IKBKB: variants seen among roughly 807,000 people sequenced by gnomAD.
The protein encoded by IKBKB is inhibitor of nuclear factor kappa B kinase subunit beta, also known as inhibitor of nuclear factor kappa-B kinase subunit beta.
IKBKB carries 42 observed loss-of-function variants against 113.6 expected under a neutral mutation model. The ratio of observed to expected loss-of-function variants is 0.37; its 90% CI spans 0.29 to 0.48. The LOEUF (loss-of-function observed/expected upper bound fraction) is 0.48, where lower values mean the gene tolerates loss of function less well. IKBKB is among the 20% of genes least tolerant of loss of function. The pLI is 0.99. For missense variants in IKBKB, 673 were observed against 939.7 expected, an observed-to-expected ratio of 0.72 and a Z score of 3.71; for synonymous variants, 296 against 361.3, an observed-to-expected ratio of 0.82 and a Z score of 2.05.
Position 42,327,893 on chromosome 8 carries a change from C to T in IKBKB, c.2115-1231C>T, listed in dbSNP as rs1197071408. Among the ~76,000 whole-genome samples, 3 of 35,038 alleles carry T rather than the reference C, an allele frequency of 8.6e-5. 1 individual carries two copies. The highest frequency in any genetic ancestry group is 1.3e-4 in the African/African-American group (3 of 22,812). 23.0% of individuals were successfully genotyped at this position (35,038 alleles called of 152,430 possible). A position where few individuals can be genotyped will look rare whatever the true frequency, so the allele number is the denominator to read the frequency against. On this transcript the variant is annotated intron_variant, in intron 20 of 21. Coordinates refer to ENST00000520810, the MANE Select transcript of IKBKB (RefSeq NM_001556.3). ...TGGCGCAATCTCGGCTCACTGCAAG[C>T]TCCGCTTCCCGGGTTCACGCCATTC...
chr8:42,296,218 T>C (rs1585637921), intron 5 of IKBKB, among the ~76,000 whole-genome samples: 2 of 152,332 alleles, frequency 1.3e-5, no homozygotes, highest in Admixed American at 1.3e-4. Context: ...AAATGAGAGC[T>C]GGATGCGGTG....
chr8:42,287,235 G>A (rs1187865532), intron 2 of IKBKB, among the ~76,000 whole-genome samples: 2 of 152,240 alleles, frequency 1.3e-5, no homozygotes, highest in African/African-American at 4.8e-5. Flanking sequence ...GCCGCCAGGA[G>A]CCAGTGGCTC....
chr8:42,325,815 C>T (rs1820627970), intron 19 of IKBKB, 155 bp from the exon 20 acceptor site: 1 of 1,481,670 alleles, frequency 6.7e-7, no homozygotes, highest in Non-Finnish European at 8.9e-7. Context: ...TGTGAAGCAC[C>T]AGTTGACCCG....
intron 20 of IKBKB, among the ~76,000 whole-genome samples, chr8:42,327,296 C>T (rs1820925663): frequency 6.7e-6 from 1 of 149,150 alleles, no homozygotes; most frequent in African/African-American, 2.5e-5. Context: ...GGCAAGTCTC[C>T]TGGGCAACAT....
At chr8:42,305,076 A>G in intron 5 of IKBKB, 111 bp from the exon 6 acceptor site, 1 of 730,104 alleles carries the variant, frequency 1.4e-6, no homozygotes, top group Non-Finnish European at 2.4e-6. Flanking sequence ...ATTGCGCTAC[A>G]AGTCAGAGTA....
chr8:42,272,025 T>A, intron 1 of IKBKB, 58 bp from the exon 2 acceptor site: 2 of 1,547,132 alleles, frequency 1.3e-6, no homozygotes, highest in Non-Finnish European at 1.7e-6. Flanking sequence ...CTCCATCCCT[T>A]TGAGCTCCAT....
At chr8:42,323,848 T>A (rs1820232050) in intron 19 of IKBKB, among the ~76,000 whole-genome samples, 1 of 152,096 alleles carries the variant, frequency 6.6e-6, no homozygotes, top group Non-Finnish European at 1.5e-5. Context: ...GCCATCTACA[T>A]CCATTGAGCA....
In IKBKB at chr8:42,316,263, C is replaced by A; in HGVS notation, c.854C>A (p.Pro285His). ...CTGCAACTGATGCTGATGTGGCACC[C>A]CCGACAGAGGGGCACGGATCCCACG... ...KWLQLMLMWHPRQRGTDPTYG... is the reference protein window; with the variant it reads ...KWLQLMLMWHHRQRGTDPTYG... Residue 285 changes from proline (P) to histidine (H), a missense_variant, in exon 10 of 22, where the codon CCC becomes CAC. This residue lies in a region of IKBKB where 506 missense variants were observed against 638.7 expected (regional missense o/e 0.79). Transcript: ENST00000520810. The surrounding 1 kb of genome is among the most constrained non-coding windows in gnomAD (Gnocchi z 4.5). The A allele has an allele frequency of 6.2e-7, 1 of 1,614,090 alleles. No individual in the cohort carries two copies. Among genetic ancestry groups the A allele is most frequent in the Non-Finnish European group, 8.5e-7 (1 of 1,180,008 alleles).
Position 42,318,627 on chromosome 8 carries a change from C to T in IKBKB, c.1316C>T (p.Thr439Ile), listed in dbSNP as rs200839761. The change falls in exon 13 of 22, where the codon ACC becomes ATC. Residue 439 changes from threonine (T) to isoleucine (I), a missense_variant. Around this residue, in one of 2 missense-constraint regions of IKBKB, gnomAD observed 506 missense variants for 638.7 expected, o/e 0.79. Coordinates refer to ENST00000520810, the MANE Select transcript of IKBKB (RefSeq NM_001556.3). The part of the protein sequence containing the change: ...VWGQVWHSIQ[T>I]LKEDCNRLQQ... ...GGCCAGGTCTGGCACAGCATCCAGA[C>T]CCTGAAGGAAGATTGCAACCGGCTG... The T allele has an allele frequency of 6.2e-7, 1 of 1,613,910 alleles. No homozygotes were observed. The highest frequency in any genetic ancestry group is 1.1e-5 in the South Asian group (1 of 91,072).
chr8:42,318,961 G>A (rs971080560), intron 13 of IKBKB: 2 of 532,344 alleles, frequency 3.8e-6, no homozygotes, highest in African/African-American at 3.8e-5. Flanking sequence ...ACTACCATGT[G>A]GATTAGCAAA....
At chr8:42,319,166 AT>A in intron 13 of IKBKB, 103 bp from the exon 14 acceptor site, 1 of 1,026,686 alleles carries the variant, frequency 9.7e-7, no homozygotes, top group Non-Finnish European at 1.5e-6. Context: ...GATAATAATT[AT>A]AGCAGGGACC....
intron 5 of IKBKB, chr8:42,298,492 G>A: frequency 2.0e-6 from 2 of 985,030 alleles, no homozygotes; most frequent in Non-Finnish European, 2.4e-6. Flanking sequence ...CACATCAGGT[G>A]CACTGTCTAG....
intron 15 of IKBKB, chr8:42,319,953 A>G (rs1018336770): frequency 3.1e-6 from 1 of 320,418 alleles, no homozygotes; most frequent in Non-Finnish European, 5.7e-6. Context: ...CATTGGATGG[A>G]TGATCAACAC....
At position 42,316,697 on chromosome 8, in the gene IKBKB, G is replaced by T. The variant is rs774720889; in HGVS notation, c.931-13G>T. ...GAAATCGGTTTTCCAGTAACATCTGGGTTGTGTTGCAGCTGGTTCATATCT... is the reference window on the plus strand; with the variant it reads ...GAAATCGGTTTTCCAGTAACATCTGTGTTGTGTTGCAGCTGGTTCATATCT... On this transcript the variant is annotated splice_polypyrimidine_tract_variant and intron_variant, in intron 10 of 21. Transcript: ENST00000520810. The surrounding 1 kb of genome is among the most constrained non-coding windows in gnomAD (Gnocchi z 4.5). 5.1e-5 allele frequency: 82 copies of T among 1,606,504 alleles called. No homozygotes were observed. The Admixed American group carries it at 5.4e-4, about 11-fold the overall frequency.
At position 42,330,574 on chromosome 8, in the gene IKBKB, G is replaced by A. The variant is rs190440924; in HGVS notation, c.2206-340G>A. ...TGCCCAGGGTGGAGTGCAATGGCAC[G>A]ATCTCAGCTCACTGCAACCCCTACC... On this transcript the variant is annotated intron_variant, in intron 21 of 21. Transcript: ENST00000520810. Among the ~76,000 whole-genome samples, 5 of 152,166 alleles carry A rather than the reference G, an allele frequency of 3.3e-5. 1 individual carries two copies. Among genetic ancestry groups the A allele is most frequent in the African/African-American group, 1.2e-4 (5 of 41,488 alleles).
rs187568022 is a variant in IKBKB, at chr8:42,311,337, C to T, written c.692+2312C>T. Reference sequence around the variant, plus strand: ...CAGCAGTTTGGGAGGCCAAGATGGGCGGATCACCTGAGGTCGAGTTTGAGG... The same window carrying T: ...CAGCAGTTTGGGAGGCCAAGATGGGTGGATCACCTGAGGTCGAGTTTGAGG... On this transcript the variant is annotated intron_variant, in intron 8 of 21. Coordinates refer to ENST00000520810, the MANE Select transcript of IKBKB (RefSeq NM_001556.3). Among the ~76,000 whole-genome samples the T allele has an allele frequency of 2.9e-3, 446 of 152,106 alleles. 2 individuals are homozygous for T. The highest frequency in any genetic ancestry group is 0.01 in the African/African-American group (420 of 41,504).
intron 5 of IKBKB, among the ~76,000 whole-genome samples, chr8:42,304,022 C>G (rs1198976873): frequency 6.6e-6 from 1 of 152,198 alleles, no homozygotes; most frequent in Non-Finnish European, 1.5e-5. Context: ...ATACACTGCT[C>G]TTTTTGCTAC....
chr8:42,320,662 C>T (rs527249972), intron 15 of IKBKB, 73 bp from the exon 16 acceptor site: 27 of 1,246,068 alleles, frequency 2.2e-5, no homozygotes, highest in South Asian at 3.7e-5. Flanking sequence ...CCCCTGGTCT[C>T]GCTCCCCCGC....
intron 7 of IKBKB, among the ~76,000 whole-genome samples, chr8:42,307,217 G>T (rs1816712202): frequency 6.6e-6 from 1 of 152,156 alleles, no homozygotes; most frequent in African/African-American, 2.4e-5. Flanking sequence ...GACGGCAGGG[G>T]GAATTCCGTG....
Sources: allele counts gnomAD v4.1 joint callset (sites outside exome capture counted in the v4.1 genomes callset), GRCh38; gene constraint gnomAD v4.1.1; regional missense constraint gnomAD v4.1.1; non-coding constraint Gnocchi (gnomAD v3.1); transcripts MANE v1.5; gene names NCBI Gene and HGNC (gene_info 2026-07-23, HGNC 2026-07-21).